Variants in SIPA1L3 observed in about 807,000 individuals in gnomAD.
The protein encoded by SIPA1L3 is signal induced proliferation associated 1 like 3.
A neutral mutation model predicts 150.1 loss-of-function variants in SIPA1L3; 59 were observed. The ratio of observed to expected loss-of-function variants is 0.39; its 90% CI spans 0.32 to 0.49. The LOEUF (loss-of-function observed/expected upper bound fraction) is 0.49. Ranked by LOEUF, SIPA1L3 falls within the 20% of genes least tolerant of loss-of-function variation. SIPA1L3 has a pLI of 0.86. For missense variants in SIPA1L3, 2,211 were observed against 2,489.5 expected (o/e 0.89, Z 2.38); for synonymous variants, 1,070 against 1,077.6 (o/e 0.99, Z 0.14).
chr19:38,028,041 T>C (rs1309417688), intron 1 of SIPA1L3, among the ~76,000 whole-genome samples: 1 of 152,150 alleles, frequency 6.6e-6, no homozygotes, highest in African/African-American at 2.4e-5. Context: ...AGGACAGCTC[T>C]AGACCCTCTC....
At chr19:38,159,482 G>T (rs972224786) in intron 13 of SIPA1L3, among the ~76,000 whole-genome samples, 2 of 152,232 alleles carry the variant, frequency 1.3e-5, no homozygotes, top group Non-Finnish European at 2.9e-5. Context: ...GGCAGTTTGT[G>T]GGGGGTCCAG....
At chr19:38,035,946 C>T (rs913157903) in intron 2 of SIPA1L3, among the ~76,000 whole-genome samples, 3 of 152,222 alleles carry the variant, frequency 2.0e-5, no homozygotes, top group Admixed American at 2.0e-4. Context: ...TGAGCTGGCA[C>T]AGGCCTAGGT....
intron 7 of SIPA1L3, among the ~76,000 whole-genome samples, chr19:38,107,321 A>T (rs1199510207): frequency 6.6e-6 from 1 of 152,226 alleles, no homozygotes; most frequent in African/African-American, 2.4e-5. Context: ...CCCGAGGCTC[A>T]TGCCCAACCC....
intron 1 of SIPA1L3, among the ~76,000 whole-genome samples, chr19:37,980,321 A>G (rs964418226): frequency 6.6e-6 from 1 of 152,144 alleles, no homozygotes; most frequent in East Asian, 1.9e-4. Flanking sequence ...ATATGAATAT[A>G]TATTTTTGTC....
chr19:38,055,919 C>T (rs944232905), intron 2 of SIPA1L3, among the ~76,000 whole-genome samples: 9 of 152,194 alleles, frequency 5.9e-5, no homozygotes, highest in Non-Finnish European at 1.0e-4. Flanking sequence ...GGAAAATTGT[C>T]GGGTTTTCTT....
At chr19:38,130,940 G>A in intron 10 of SIPA1L3, 168 bp downstream of exon 10, 1 of 683,208 alleles carries the variant, frequency 1.5e-6, no homozygotes, top group Non-Finnish European at 2.4e-6. Flanking sequence ...CATCTACAGA[G>A]CGCTTACTGT....
intron 2 of SIPA1L3, among the ~76,000 whole-genome samples, chr19:38,037,839 C>T (rs1054842570): frequency 6.6e-6 from 1 of 152,054 alleles, no homozygotes; most frequent in African/African-American, 2.4e-5. Context: ...AGCAGTCAGG[C>T]CCCCCACCTC....
At chr19:38,028,030 T>C (rs1408501494) in intron 1 of SIPA1L3, among the ~76,000 whole-genome samples, 1 of 152,074 alleles carries the variant, frequency 6.6e-6, no homozygotes, top group Non-Finnish European at 1.5e-5. Flanking sequence ...CCATTGCATA[T>C]AGGACAGCTC....
intron 1 of SIPA1L3, among the ~76,000 whole-genome samples, chr19:37,937,741 C>CAAAAAAAA (rs34881450): frequency 0.05 from 928 of 18,648 alleles, 225 homozygotes; most frequent in African/African-American, 0.15. Flanking sequence ...AACCCTGTCT[C>CAAAAAAAA]AAAAAAAAAA....
At chr19:38,182,996 A>G in intron 16 of SIPA1L3, 1 of 437,966 alleles carries the variant, frequency 2.3e-6, no homozygotes. Flanking sequence ...TCCTTGTGCC[A>G]TATCCGGGTG....
intron 1 of SIPA1L3, among the ~76,000 whole-genome samples, chr19:37,927,521 C>CGTGTGTGTGT (rs144453861): frequency 6.6e-5 from 9 of 136,760 alleles, no homozygotes; most frequent in African/African-American, 2.5e-4. Context: ...GTCTGTTGTT[C>CGTGTGTGTGT]GTGTGTGTGT....
Position 38,081,749 on chromosome 19 carries a change from A to G in SIPA1L3, c.184A>G (p.Thr62Ala), listed in dbSNP as rs1309169910. Residue 62 changes from threonine (T) to alanine (A), a missense_variant, in exon 3 of 22, where the codon ACC becomes GCC. Physicochemically the swap from Thr to Ala is moderately conservative, Grantham distance 58 (BLOSUM62 0). This residue lies in a region of SIPA1L3 where 130 missense variants were observed against 174.5 expected (regional missense o/e 0.74). Coordinates refer to ENST00000222345, the MANE Select transcript of SIPA1L3 (RefSeq NM_015073.3). ...ESPATATATA[T>A]ATTRPSPTTP... ...CCCGGCCACCGCCACCGCCACCGCC[A>G]CCGCCACCACCCGCCCCAGCCCCAC... The G allele has an allele frequency of 3.1e-6, 5 of 1,600,590 alleles. No individual in the cohort carries two copies. The highest frequency in any genetic ancestry group is 2.7e-5 in the African/African-American group (2 of 74,604).
chr19:38,112,917 T>C (rs1970798200), intron 8 of SIPA1L3, among the ~76,000 whole-genome samples: 1 of 152,142 alleles, frequency 6.6e-6, no homozygotes, highest in Non-Finnish European at 1.5e-5. Context: ...CCTTCAAGAC[T>C]GAACTCAGGG....
intron 20 of SIPA1L3, chr19:38,203,824 G>A (rs1973143571): frequency 2.8e-6 from 1 of 356,166 alleles, no homozygotes; most frequent in Non-Finnish European, 5.2e-6. Flanking sequence ...ACGAAGAAGG[G>A]GTCCTCCCTG....
intron 9 of SIPA1L3, among the ~76,000 whole-genome samples, chr19:38,125,154 G>GC (rs1267888186): frequency 6.6e-6 from 1 of 152,152 alleles, no homozygotes; most frequent in Non-Finnish European, 1.5e-5. Context: ...TCCTGTCTCA[G>GC]CCCCCCAGGT....
At position 38,182,882 on chromosome 19, in the gene SIPA1L3, G is replaced by C. The variant is rs187595279; in HGVS notation, c.4430+142G>C. ...CAGTGTACACACTGGGGCTGCAGCT[G>C]CAAGCAGGACAGGCGAGAACCCCTC... On this transcript the variant is annotated intron_variant, in intron 16 of 21. Coordinates refer to ENST00000222345, the MANE Select transcript of SIPA1L3 (RefSeq NM_015073.3). 152 of 650,454 alleles carry C rather than the reference G, an allele frequency of 2.3e-4. No homozygotes were observed. In the African/African-American group the frequency reaches 2.4e-3, roughly 10 times the overall value. 40.3% of individuals were successfully genotyped at this position (650,454 alleles called of 1,614,324 possible).
At chr19:37,915,562 A>G (rs1469192886) in intron 1 of SIPA1L3, among the ~76,000 whole-genome samples, 1 of 151,854 alleles carries the variant, frequency 6.6e-6, no homozygotes, top group Non-Finnish European at 1.5e-5. Flanking sequence ...TTGTATTTTT[A>G]GTAGAGATGG....
At chr19:38,106,362 C>A in intron 6 of SIPA1L3, 175 bp from the exon 7 acceptor site, 1 of 561,480 alleles carries the variant, frequency 1.8e-6, no homozygotes. Flanking sequence ...CTGCCTCAGC[C>A]TCCCAAAGTG....
intron 13 of SIPA1L3, among the ~76,000 whole-genome samples, chr19:38,155,355 C>T (rs954284272): frequency 8.5e-5 from 13 of 152,148 alleles, no homozygotes; most frequent in Admixed American, 8.5e-4. Flanking sequence ...GGATTACAGG[C>T]GCGAGCCACC....
Sources: allele counts gnomAD v4.1 joint callset (sites outside exome capture counted in the v4.1 genomes callset), GRCh38; gene constraint gnomAD v4.1.1; regional missense constraint gnomAD v4.1.1; transcripts MANE v1.5; gene names NCBI Gene and HGNC (gene_info 2026-07-23, HGNC 2026-07-21).